The following ZNF638 variants were observed in gnomAD, a reference collection of about 807,000 sequenced individuals.
The protein encoded by ZNF638 is CTCL tumor antigen se33-1.
In ZNF638, 46 loss-of-function variants were observed where a neutral mutation model predicts 195.6. The ratio of observed to expected loss-of-function variants is 0.24; its 90% CI spans 0.19 to 0.30. The LOEUF (loss-of-function observed/expected upper bound fraction) is 0.30, where lower values mean the gene tolerates loss of function less well. Ranked by LOEUF, ZNF638 falls within the 10% of genes least tolerant of loss-of-function variation. ZNF638 has a pLI of 1.00. For missense variants in ZNF638, 2,440 were observed against 2,325.3 expected (o/e 1.05, Z -1.01); for synonymous variants, 845 against 772.0 (o/e 1.09, Z -1.57).
At chr2:71,363,324 A>C in intron 4 of ZNF638, 133 bp downstream of exon 4, 1 of 641,518 alleles carries the variant, frequency 1.6e-6, no homozygotes, top group Admixed American at 3.0e-5. Context: ...AACCTCTATG[A>C]ATCTTTAACT....
rs1457553559 is a variant in ZNF638 at position 71,402,093 on chromosome 2, A to C, written c.2829+6A>C. ...TTTTATCATCTCATAAAAAGGTAAG[A>C]GTTGATTAATAGCTGTTCATATCCT... On this transcript the variant is annotated splice_donor_region_variant and intron_variant, in intron 16 of 27. Coordinates refer to ENST00000264447, the MANE Select transcript of ZNF638 (RefSeq NM_014497.5). 5.0e-6 allele frequency: 8 copies of C among 1,602,660 alleles called. No individual in the cohort carries two copies. Among genetic ancestry groups the C allele is most frequent in the South Asian group, 4.5e-5 (4 of 89,000 alleles).
chr2:71,431,440 A>G lies in ZNF638; in HGVS notation c.5752+12A>G. 6.2e-7 allele frequency: 1 copy of G among 1,611,546 alleles called. No individual in the cohort carries two copies. Among genetic ancestry groups the G allele is most frequent in the Non-Finnish European group, 8.5e-7 (1 of 1,178,304 alleles). ...TGATGTCCCTGAGGGTAAAGTTAAAATGACATTTTTTTCTTACCCATATGA... is the reference window on the plus strand; with the variant it reads ...TGATGTCCCTGAGGGTAAAGTTAAAGTGACATTTTTTTCTTACCCATATGA... On this transcript the variant is annotated intron_variant, in intron 26 of 27. Coordinates refer to ENST00000264447, the MANE Select transcript of ZNF638 (RefSeq NM_014497.5).
intron 24 of ZNF638, 87 bp from the exon 25 acceptor site, chr2:71,428,460 A>G (rs2080585469): frequency 3.3e-6 from 4 of 1,210,988 alleles, no homozygotes; most frequent in Non-Finnish European, 4.6e-6. Context: ...AAAATGTATA[A>G]TGTTGATTCA....
chr2:71,402,682 G>T (rs2080030696), intron 16 of ZNF638, among the ~76,000 whole-genome samples: 1 of 151,974 alleles, frequency 6.6e-6, no homozygotes, highest in Non-Finnish European at 1.5e-5. Context: ...AGCATCTGTT[G>T]GCTTTGTATT....
At chr2:71,341,237 A>C (rs2078757544) in intron 1 of ZNF638, among the ~76,000 whole-genome samples, 1 of 152,206 alleles carries the variant, frequency 6.6e-6, no homozygotes, top group Non-Finnish European at 1.5e-5. Context: ...TTTATGGTTG[A>C]CATTATATTG....
chr2:71,368,501 T>C lies in ZNF638; in HGVS notation c.2115T>C (p.Asp705=). The C allele has an allele frequency of 1.2e-6, 2 of 1,613,076 alleles. No individual in the cohort carries two copies. The highest frequency in any genetic ancestry group is 1.7e-6 in the Non-Finnish European group (2 of 1,179,654). ...TTCAACCATTTGGGAAAGTGAATGA[T>C]GTCCTAATTGTTCCATATAGAAAAG... ...KLFQPFGKVN[D]VLIVPYRKEA... is the part of the protein sequence containing the mutation. The change falls in exon 7 of 28, where the codon GAT becomes GAC. Residue 705 remains aspartate, a synonymous_variant. Coordinates refer to ENST00000264447, the MANE Select transcript of ZNF638 (RefSeq NM_014497.5).
intron 1 of ZNF638, among the ~76,000 whole-genome samples, chr2:71,340,807 TG>T (rs778199147): frequency 4.5e-4 from 69 of 152,330 alleles, no homozygotes; most frequent in Non-Finnish European, 8.1e-4. Context: ...GTTGTAATCT[TG>T]TTACTTCCTA....
rs1025175840 is a variant in ZNF638, at chr2:71,426,988, A to G, written c.5119A>G (p.Thr1707Ala). The part of the protein sequence containing the change: ...SADITFATLN[T>A]KGNEGDTVRD... Reference sequence around the variant, plus strand: ...AGACATAACTTTTGCCACTTTAAATACTAAAGGAAATGAAGGAGATACTGT... The same window carrying G: ...AGACATAACTTTTGCCACTTTAAATGCTAAAGGAAATGAAGGAGATACTGT... The change falls in exon 24 of 28, where the codon ACT becomes GCT. Residue 1707 changes from threonine to alanine, a missense_variant. Around this residue, in one of 5 missense-constraint regions of ZNF638, gnomAD observed 1,883 missense variants for 1,739.1 expected, o/e 1.08. Transcript: ENST00000264447. 6 of 1,612,394 alleles carry G rather than the reference A, an allele frequency of 3.7e-6. No homozygotes were observed. Among genetic ancestry groups the G allele is most frequent in the Non-Finnish European group, 5.1e-6 (6 of 1,179,358 alleles).
At chr2:71,357,181 G>A (rs2079037695) in intron 3 of ZNF638, among the ~76,000 whole-genome samples, 1 of 152,122 alleles carries the variant, frequency 6.6e-6, no homozygotes, top group Admixed American at 6.6e-5. Flanking sequence ...AACTCTGGCA[G>A]AAGTCCTTGT....
Position 71,349,086 on chromosome 2 carries a change from A to G in ZNF638, c.132A>G (p.Pro44=), listed in dbSNP as rs2078900675. Residue 44 remains proline, a synonymous_variant, in exon 2 of 28, where the codon CCA becomes CCG. Coordinates refer to ENST00000264447, the MANE Select transcript of ZNF638 (RefSeq NM_014497.5). ...PGSMGLPRFY[P]AGRARGIPHR... ...CTATGGGTCTCCCAAGATTTTACCC[A>G]GCAGGGAGAGCACGTGGAATTCCAC... is the stretch of plus-strand genomic sequence containing the variant. 6.2e-7 allele frequency: 1 copy of G among 1,614,234 alleles called. No homozygotes were observed. Among genetic ancestry groups the G allele is most frequent in the South Asian group, 1.1e-5 (1 of 91,088 alleles).
At chr2:71,393,932 G>A (rs1026423128) in intron 10 of ZNF638, among the ~76,000 whole-genome samples, 1 of 152,108 alleles carries the variant, frequency 6.6e-6, no homozygotes, top group African/African-American at 2.4e-5. Flanking sequence ...TGTACCTGCC[G>A]AAACACAATT....
Position 71,423,625 on chromosome 2 carries a change from A to G in ZNF638, c.4111A>G (p.Asn1371Asp), listed in dbSNP as rs1343796811. The G allele has an allele frequency of 1.9e-6, 3 of 1,613,874 alleles. No homozygotes were observed. The highest frequency in any genetic ancestry group is 3.3e-5 in the Admixed American group (2 of 59,964). ...AYPNKGVGQA[N>D]KPDETSKTSI... ...CCCAAATAAAGGAGTGGGTCAGGCTAATAAGCCTGATGAAACTAGTAAAAC... is the reference window on the plus strand; with the variant it reads ...CCCAAATAAAGGAGTGGGTCAGGCTGATAAGCCTGATGAAACTAGTAAAAC... The change falls in exon 22 of 28, where the codon AAT (asparagine) becomes GAT (aspartate). Residue 1371 changes from asparagine (N) to aspartate (D), a missense_variant. Asn to Asp is a conservative substitution (Grantham distance 23). Around this residue, in one of 5 missense-constraint regions of ZNF638, gnomAD observed 1,883 missense variants for 1,739.1 expected, o/e 1.08. Transcript: ENST00000264447.
intron 20 of ZNF638, chr2:71,418,264 A>C: frequency 5.5e-6 from 1 of 183,360 alleles, no homozygotes; most frequent in Non-Finnish European, 1.1e-5. Flanking sequence ...TTTTAAAATA[A>C]TTCCTCAAGG....
chr2:71,406,432 G>A (rs1005092703), intron 19 of ZNF638, among the ~76,000 whole-genome samples, 170 bp downstream of exon 19: 2 of 152,014 alleles, frequency 1.3e-5, no homozygotes, highest in Admixed American at 1.3e-4. Flanking sequence ...CGAGAAAGAA[G>A]AGATGACCTC....
At chr2:71,377,111 A>G (rs996028132) in intron 8 of ZNF638, among the ~76,000 whole-genome samples, 1 of 152,180 alleles carries the variant, frequency 6.6e-6, no homozygotes, top group Admixed American at 6.5e-5. Context: ...TATCTCTTCA[A>G]AAAATTAAAA....
At position 71,349,754 on chromosome 2, in the gene ZNF638, A is replaced by G; in HGVS notation, c.800A>G (p.Asp267Gly). The change falls in exon 2 of 28, where the codon GAC (aspartate) becomes GGC (glycine). Residue 267 changes from aspartate (D) to glycine (G), a missense_variant. Physicochemically the swap from Asp to Gly is moderately conservative, Grantham distance 94. This residue lies in a region of ZNF638 where 305 missense variants were observed against 283.6 expected (regional missense o/e 1.08). Coordinates refer to ENST00000264447, the MANE Select transcript of ZNF638 (RefSeq NM_014497.5). ...VICNSMFPVE[D>G]VFRQMDFPGE... ...TGTAATTCTATGTTTCCTGTTGAAGACGTATTTCGCCAAATGGACTTCCCC... is the reference window on the plus strand; with the variant it reads ...TGTAATTCTATGTTTCCTGTTGAAGGCGTATTTCGCCAAATGGACTTCCCC... The G allele has an allele frequency of 1.2e-6, 2 of 1,614,170 alleles. No homozygotes were observed. The highest frequency in any genetic ancestry group is 1.7e-6 in the Non-Finnish European group (2 of 1,180,030).
intron 1 of ZNF638, chr2:71,348,525 T>C (rs960054364): frequency 5.2e-6 from 6 of 1,164,232 alleles, no homozygotes; most frequent in Middle Eastern, 3.9e-4. Context: ...TGCAACACAA[T>C]GTACATGAAC....
chr2:71,395,255 G>T, intron 10 of ZNF638: 1 of 717,294 alleles, frequency 1.4e-6, no homozygotes. Context: ...AGGATGCAAA[G>T]CCGGAATACG....
chr2:71,381,486 G>C (rs2079533838), intron 10 of ZNF638, among the ~76,000 whole-genome samples: 1 of 152,106 alleles, frequency 6.6e-6, no homozygotes, highest in African/African-American at 2.4e-5. Flanking sequence ...GTAACATTAT[G>C]TGAAGAGATA....
Sources: allele counts gnomAD v4.1 joint callset (sites outside exome capture counted in the v4.1 genomes callset), GRCh38; gene constraint gnomAD v4.1.1; regional missense constraint gnomAD v4.1.1; transcripts MANE v1.5; gene names NCBI Gene and HGNC (gene_info 2026-07-23, HGNC 2026-07-21).